The following TET3 variants were observed in gnomAD, a reference collection of about 807,000 sequenced individuals.
TET3 encodes the protein tet methylcytosine dioxygenase 3.
Under a neutral mutation model 141.4 loss-of-function variants are expected in TET3, and 19 were observed. The ratio of observed to expected loss-of-function variants is 0.13; its 90% CI spans 0.09 to 0.20. The LOEUF (loss-of-function observed/expected upper bound fraction) is 0.20. Among genes scored for constraint, TET3 ranks in the 10% least tolerant of loss-of-function variants. TET3 has a pLI of 1.00. For synonymous variants in TET3, 1,043 were observed against 980.9 expected (o/e 1.06, Z -1.18); for missense variants, 1,874 against 2,356.9 (o/e 0.80, Z 4.24).
chr2:74,060,995 C>T (rs372630859), intron 4 of TET3, among the ~76,000 whole-genome samples: 3 of 152,176 alleles, frequency 2.0e-5, no homozygotes, highest in Admixed American at 6.5e-5. Context: ...AAAACCGCCA[C>T]TGTCATCATG....
At chr2:74,021,317 C>A (rs1686030889) in intron 3 of TET3, among the ~76,000 whole-genome samples, 1 of 152,236 alleles carries the variant, frequency 6.6e-6, no homozygotes, top group Non-Finnish European at 1.5e-5. Flanking sequence ...GTTCCAGATG[C>A]CTCCTTACAG....
At chr2:74,096,768 CAAAAAAAAAAAA>C (rs1317083706) in intron 10 of TET3, among the ~76,000 whole-genome samples, 1 of 141,082 alleles carries the variant, frequency 7.1e-6, no homozygotes, top group African/African-American at 2.7e-5. Flanking sequence ...AACTCTGTCT[CAAAAAAAAAAAA>C]GAAAGAAAGA....
intron 3 of TET3, among the ~76,000 whole-genome samples, chr2:74,007,179 G>A (rs1293048119): frequency 1.3e-5 from 2 of 152,216 alleles, no homozygotes; most frequent in East Asian, 3.8e-4. Context: ...AAGCTTTTGT[G>A]TTTTGTATAT....
the TET3 span, among the ~76,000 whole-genome samples, chr2:74,133,044 T>A: frequency 6.6e-6 from 1 of 151,502 alleles, no homozygotes; most frequent in Non-Finnish European, 1.5e-5. Flanking sequence ...ACTACAGGCA[T>A]GTGCCACTAT....
At chr2:74,038,503 G>C (rs1311556234) in intron 3 of TET3, among the ~76,000 whole-genome samples, 1 of 152,164 alleles carries the variant, frequency 6.6e-6, no homozygotes, top group East Asian at 1.9e-4. Context: ...CCTGGAAGTT[G>C]GCAGTAAGAT....
the TET3 span, among the ~76,000 whole-genome samples, chr2:74,114,633 C>G: frequency 6.6e-6 from 1 of 151,856 alleles, no homozygotes; most frequent in Non-Finnish European, 1.5e-5. Flanking sequence ...AGGTAGATGA[C>G]TTGAGGTCAG....
chr2:74,124,900 G>A, the TET3 span, among the ~76,000 whole-genome samples: 1 of 106,328 alleles, frequency 9.4e-6, no homozygotes, highest in East Asian at 2.6e-4. Flanking sequence ...CCCTCTCCGA[G>A]AAACACCCAA....
chr2:73,986,357 G>T lies in TET3; in HGVS notation c.-47G>T. Reference sequence around the variant, plus strand: ...GTGGCCTTTGGAGGTGGCAGGAAACGACTGTGGTTCTGCCCCAGCACCTAT... The same window carrying T: ...GTGGCCTTTGGAGGTGGCAGGAAACTACTGTGGTTCTGCCCCAGCACCTAT... On this transcript the variant is annotated 5_prime_UTR_variant, in exon 2 of 12. Transcript: ENST00000409262. 3 of 1,231,036 alleles carry T rather than the reference G, an allele frequency of 2.4e-6. No individual in the cohort carries two copies. Among genetic ancestry groups the T allele is most frequent in the South Asian group, 8.3e-5 (2 of 24,056 alleles). The allele number at this position is 1,231,036 out of a possible 1,614,324, so 76.3% of individuals were successfully genotyped here. A position where few individuals can be genotyped will look rare whatever the true frequency, so the allele number is the denominator to read the frequency against.
chr2:74,006,198 T>G lies in TET3; in HGVS notation c.360+3032T>G, dbSNP rs1211321509. On this transcript the variant is annotated intron_variant, in intron 3 of 11. Coordinates refer to ENST00000409262, the MANE Select transcript of TET3 (RefSeq NM_001287491.2). ...CTTCCTACTTCCAGCCACTTCTCTC[T>G]CGGGTATGTTTATAAGCAGCAGCCA... 2.6e-5 allele frequency among the ~76,000 whole-genome samples: 4 copies of G among 152,182 alleles called. No homozygotes were observed. The East Asian group carries it at 7.7e-4, about 29-fold the overall frequency.
chr2:74,100,706 G>T lies in TET3; in HGVS notation c.3918G>T (p.Trp1306Cys), dbSNP rs777221640. The T allele has an allele frequency of 6.2e-7, 1 of 1,613,996 alleles. No individual in the cohort carries two copies. Among genetic ancestry groups the T allele is most frequent in the Non-Finnish European group, 8.5e-7 (1 of 1,179,896 alleles). Residue 1306 changes from tryptophan to cysteine, a missense_variant, in exon 12 of 12, where the codon TGG becomes TGT. Transcript: ENST00000409262. ...CTCAGTTCCTGGGTCCTGGTGCCTG[G>T]GGGCACAGTGGCAGCAGTGGCAGTT... is the stretch of plus-strand genomic sequence containing the variant. ...FPSQFLGPGA[W>C]GHSGSSGSFE...
chr2:74,069,791 G>T (rs924051741), intron 4 of TET3, among the ~76,000 whole-genome samples: 2 of 151,876 alleles, frequency 1.3e-5, no homozygotes, highest in Non-Finnish European at 2.9e-5. Flanking sequence ...GTATTGACAG[G>T]GTCTCACTAT....
intron 6 of TET3, 34 bp downstream of exon 6, chr2:74,080,625 TG>T (rs1689755970): frequency 2.6e-6 from 4 of 1,546,364 alleles, no homozygotes; most frequent in Admixed American, 3.6e-5. Context: ...GCCACAGCTG[TG>T]CCTGGTTCCC....
chr2:74,075,272 T>A (rs1689438936), intron 5 of TET3, among the ~76,000 whole-genome samples: 1 of 151,946 alleles, frequency 6.6e-6, no homozygotes, highest in Non-Finnish European at 1.5e-5. Flanking sequence ...GGCTTAGAGT[T>A]GTCGCAAATT....
intron 2 of TET3, among the ~76,000 whole-genome samples, chr2:73,988,760 G>C (rs1684171694): frequency 6.6e-6 from 1 of 152,134 alleles, no homozygotes. Context: ...GAAACAAAAG[G>C]GGACAGTGGA....
chr2:73,996,272 G>A (rs148073231), intron 2 of TET3, among the ~76,000 whole-genome samples: 31 of 152,280 alleles, frequency 2.0e-4, no homozygotes, highest in African/African-American at 7.0e-4. Context: ...ATGAGGGGAC[G>A]ATGCTCAGGA....
intron 2 of TET3, among the ~76,000 whole-genome samples, chr2:73,999,757 G>T (rs1684756177): frequency 6.6e-6 from 1 of 152,176 alleles, no homozygotes; most frequent in African/African-American, 2.4e-5. Context: ...TTTAGAAAAG[G>T]GGGCAGATAG....
Position 74,083,916 on chromosome 2 carries a change from C to T in TET3, c.2679+3325C>T, listed in dbSNP as rs142831536. ...GGAGCAGAAGTTGACCATAGTGCCTCGCAAACCCTAGTCACAGAGACCATG... is the reference window on the plus strand; with the variant it reads ...GGAGCAGAAGTTGACCATAGTGCCTTGCAAACCCTAGTCACAGAGACCATG... On this transcript the variant is annotated intron_variant, in intron 6 of 11. Coordinates refer to ENST00000409262, the MANE Select transcript of TET3 (RefSeq NM_001287491.2). 5.3e-5 allele frequency among the ~76,000 whole-genome samples: 8 copies of T among 152,260 alleles called. No homozygotes were observed. In the East Asian group the frequency reaches 1.4e-3, roughly 26 times the overall value.
At chr2:74,021,077 A>G (rs535163117) in intron 3 of TET3, among the ~76,000 whole-genome samples, 1 of 152,352 alleles carries the variant, frequency 6.6e-6, no homozygotes, top group East Asian at 1.9e-4. Flanking sequence ...GATTGGGGAA[A>G]AGATCTGGAA....
Position 74,104,410 on chromosome 2 carries a change from T to A in TET3, c.*2234T>A, listed in dbSNP as rs1691394485. The A allele has an allele frequency of 6.6e-6, 1 of 152,204 alleles. No individual in the cohort carries two copies. The highest frequency in any genetic ancestry group is 1.5e-5 in the Non-Finnish European group (1 of 68,036). The allele number at this position is 152,204 out of a possible 1,614,324, so 9.4% of individuals were successfully genotyped here. On this transcript the variant is annotated 3_prime_UTR_variant, in exon 12 of 12. Coordinates refer to ENST00000409262, the MANE Select transcript of TET3 (RefSeq NM_001287491.2). ...CAGAGTCTTTAATGAGCATGCTAAT[T>A]TTCTAGTTTTGAGGAAAAATTGGGT...
Sources: gnomAD v4.1 joint callset for allele counts (sites outside exome capture counted in the v4.1 genomes callset) on GRCh38, gnomAD v4.1.1 for gene constraint, MANE v1.5 for transcripts, NCBI Gene and HGNC (gene_info 2026-07-23, HGNC 2026-07-21) for gene names.